FGF13: variants seen among roughly 807,000 people sequenced by gnomAD.
FGF13 encodes the protein fibroblast growth factor 13.
FGF13 carries 2 observed loss-of-function variants against 19.5 expected under a neutral mutation model. The ratio of observed to expected loss-of-function variants is 0.10; its 90% CI spans 0.04 to 0.32. FGF13 has a LOEUF of 0.32. FGF13 is among the 10% of genes least tolerant of loss of function. The probability of loss-of-function intolerance (pLI) is 1.00; values close to 1 mark genes in which losing one functional copy is unlikely to be tolerated. For synonymous variants in FGF13, 72 were observed against 76.9 expected (o/e 0.94, Z 0.33); for missense variants, 113 against 192.7 (o/e 0.59, Z 2.45).
At chrX:139,107,248 T>C (rs1310729064) in intron 1 of FGF13, among the ~76,000 whole-genome samples, 1 of 111,830 alleles carries the variant, frequency 8.9e-6, no homozygotes, top group African/African-American at 3.3e-5. Context: ...CCTAAAATTA[T>C]GGTTGTGAGA....
At chrX:139,204,290 G>A (rs1443794047), upstream of FGF13, 4 of 433,255 alleles carry the variant, frequency 9.2e-6, no homozygotes, top group Non-Finnish European at 1.2e-5. Flanking sequence ...GAGTGGGGAG[G>A]AAAGGAAAGG....
At chrX:139,152,348 A>C (rs1489442808) in intron 1 of FGF13, among the ~76,000 whole-genome samples, 1 of 100,266 alleles carries the variant, frequency 1.0e-5, no homozygotes, top group African/African-American at 3.4e-5. Context: ...CGACGAGGCC[A>C]GTATGTACTG....
In FGF13 at chrX:138,625,868, A is replaced by G. The variant is rs1403983144; in HGVS notation, c.*6982T>C. 1 of 111,008 alleles carries G rather than the reference A, an allele frequency of 9.0e-6. No homozygotes were observed. The highest frequency in any genetic ancestry group is 1.9e-5 in the Non-Finnish European group (1 of 53,018). The allele number at this position is 111,008 out of a possible 1,213,427, so 9.1% of individuals were successfully genotyped here. ...AGATGGGAAGATGTTGTTAGAACAT[A>G]ATTTTGCTGATTTTTTTCTGATATG... On this transcript the variant is annotated 3_prime_UTR_variant, in exon 5 of 5. Coordinates refer to ENST00000315930, the MANE Select transcript of FGF13 (RefSeq NM_004114.5).
chrX:138,748,163 G>T (rs751727278), intron 3 of FGF13, among the ~76,000 whole-genome samples: 1 of 111,813 alleles, frequency 8.9e-6, no homozygotes, highest in Admixed American at 9.5e-5. Flanking sequence ...TTGCTCCAAG[G>T]TGATTTAAAT....
intron 1 of FGF13, among the ~76,000 whole-genome samples, chrX:139,012,751 A>G (rs912934432): frequency 8.9e-6 from 1 of 112,324 alleles, no homozygotes; most frequent in African/African-American, 3.2e-5. Flanking sequence ...ATTTTAGAAT[A>G]TAACATTGAA....
Position 138,631,689 on chromosome X carries a change from T to A in FGF13, c.*1161A>T, listed in dbSNP as rs910417434. The A allele has an allele frequency of 8.9e-6, 1 of 112,715 alleles. No individual in the cohort carries two copies. Among genetic ancestry groups the A allele is most frequent in the Non-Finnish European group, 1.9e-5 (1 of 53,304 alleles). 9.3% of individuals were successfully genotyped at this position (112,715 alleles called of 1,213,427 possible). Reference sequence around the variant, plus strand: ...GACAGAAAACTGCCTGTACATGCTATGTCCACTTTTGGAACACAGATTTTT... The same window carrying A: ...GACAGAAAACTGCCTGTACATGCTAAGTCCACTTTTGGAACACAGATTTTT... On this transcript the variant is annotated 3_prime_UTR_variant, in exon 5 of 5. Coordinates refer to ENST00000315930, the MANE Select transcript of FGF13 (RefSeq NM_004114.5).
At chrX:138,793,979 T>C (rs1418922150) in intron 3 of FGF13, among the ~76,000 whole-genome samples, 1 of 111,805 alleles carries the variant, frequency 8.9e-6, no homozygotes, top group African/African-American at 3.2e-5. Flanking sequence ...GCTCTAACAT[T>C]GCCATCCTCT....
chrX:139,163,031 C>T (rs2084048725), intron 1 of FGF13, among the ~76,000 whole-genome samples: 1 of 111,967 alleles, frequency 8.9e-6, no homozygotes, highest in African/African-American at 3.3e-5. Flanking sequence ...ACCCACCAAT[C>T]CCATTACTGG....
chrX:138,948,821 G>C (rs888575099), intron 1 of FGF13, among the ~76,000 whole-genome samples: 1 of 111,649 alleles, frequency 9.0e-6, no homozygotes, highest in East Asian at 2.8e-4. Flanking sequence ...TTGTTTTATT[G>C]TGTACAAAGC....
chrX:139,073,074 A>G (rs931353803), intron 1 of FGF13, among the ~76,000 whole-genome samples: 1 of 109,582 alleles, frequency 9.1e-6, no homozygotes, highest in Non-Finnish European at 1.9e-5. Context: ...TCCTTTATCT[A>G]GTTAATCGTC....
intron 1 of FGF13, among the ~76,000 whole-genome samples, chrX:139,180,785 A>G (rs1458360200): frequency 9.0e-6 from 1 of 111,525 alleles, no homozygotes; most frequent in Non-Finnish European, 1.9e-5. Flanking sequence ...CAACTGCACT[A>G]TGGGTTGCTG....
chrX:138,836,985 C>T, intron 3 of FGF13, among the ~76,000 whole-genome samples: 1 of 110,289 alleles, frequency 9.1e-6, no homozygotes, highest in East Asian at 2.9e-4. Flanking sequence ...TTGCCAGTAC[C>T]TGGAGGTATC....
chrX:138,654,813 T>C (rs2089419316), intron 3 of FGF13, among the ~76,000 whole-genome samples: 1 of 111,521 alleles, frequency 9.0e-6, no homozygotes, highest in Non-Finnish European at 1.9e-5. Flanking sequence ...TGAAATTCTG[T>C]GACCTCATTT....
At chrX:138,730,064 A>C (rs1302245774) in intron 1 of FGF13, among the ~76,000 whole-genome samples, 1 of 112,063 alleles carries the variant, frequency 8.9e-6, no homozygotes, top group East Asian at 2.8e-4. Context: ...TAATGAAGGA[A>C]AATTATATCA....
chrX:139,063,199 T>C (rs892513001), intron 1 of FGF13, among the ~76,000 whole-genome samples: 11 of 111,092 alleles, frequency 9.9e-5, no homozygotes, highest in Non-Finnish European at 1.9e-4. Flanking sequence ...TGTCAGAAAA[T>C]GTTTTTATAA....
intron 1 of FGF13, among the ~76,000 whole-genome samples, chrX:138,931,931 A>C (rs912631941): frequency 4.5e-5 from 5 of 111,212 alleles, no homozygotes; most frequent in Non-Finnish European, 9.4e-5. Context: ...CCCTTTAGCT[A>C]GTGTGTTTCC....
At chrX:139,084,824 T>C (rs766301200) in intron 1 of FGF13, among the ~76,000 whole-genome samples, 1 of 112,536 alleles carries the variant, frequency 8.9e-6, no homozygotes, top group South Asian at 3.7e-4. Context: ...ATTTGTCCTT[T>C]AATACTTTTT....
At chrX:138,976,940 T>C (rs1050639170) in intron 1 of FGF13, among the ~76,000 whole-genome samples, 2 of 111,878 alleles carry the variant, frequency 1.8e-5, no homozygotes, top group Non-Finnish European at 3.8e-5. Context: ...TTAATATGGA[T>C]GCATTCCATA....
chrX:139,183,862 G>A (rs2084259253), intron 1 of FGF13, among the ~76,000 whole-genome samples: 1 of 111,604 alleles, frequency 9.0e-6, no homozygotes, highest in African/African-American at 3.3e-5. Context: ...TCCTCTCCAT[G>A]ACTTTGACTC....
Sources: allele counts gnomAD v4.1 joint callset (sites outside exome capture counted in the v4.1 genomes callset), GRCh38; gene constraint gnomAD v4.1.1; transcripts MANE v1.5; gene names NCBI Gene and HGNC (gene_info 2026-07-23, HGNC 2026-07-21).